The following SLCO1C1 variants were observed in gnomAD, a reference collection of about 807,000 sequenced individuals.
The protein encoded by SLCO1C1 is solute carrier organic anion transporter family member 1C1.
SLCO1C1 carries 70 observed loss-of-function variants against 76.4 expected under a neutral mutation model. That is an observed-to-expected ratio of 0.92 (90% CI 0.76 to 1.12). SLCO1C1 has a LOEUF of 1.12. Among genes scored for constraint, SLCO1C1 ranks in the 50% most tolerant of loss-of-function variants. The pLI is 0.00. For missense variants in SLCO1C1, 912 were observed against 823.8 expected, an observed-to-expected ratio of 1.11 and a Z score of -1.31; for synonymous variants, 306 against 286.1, an observed-to-expected ratio of 1.07 and a Z score of -0.70.
At chr12:20,743,522 C>T (rs1349849426) in intron 13 of SLCO1C1, among the ~76,000 whole-genome samples, 153 bp downstream of exon 13, 3 of 151,970 alleles carry the variant, frequency 2.0e-5, no homozygotes, top group Non-Finnish European at 4.4e-5. Flanking sequence ...TTCTTTGTTC[C>T]CTTCCTCCTT....
At chr12:20,710,209 T>TC in intron 4 of SLCO1C1, among the ~76,000 whole-genome samples, 1 of 135,444 alleles carries the variant, frequency 7.4e-6, no homozygotes, top group East Asian at 2.1e-4. Context: ...TCTTTTTTTT[T>TC]TTTTTTTTTT....
intron 13 of SLCO1C1, among the ~76,000 whole-genome samples, chr12:20,744,452 G>T (rs11045432): frequency 0.44 from 66,230 of 151,872 alleles, 17,171 homozygotes; most frequent in South Asian, 0.63. Flanking sequence ...ATTCCTATTA[G>T]AAAGAAAACT....
intron 3 of SLCO1C1, among the ~76,000 whole-genome samples, chr12:20,704,011 G>A (rs1946658478): frequency 6.7e-6 from 1 of 148,834 alleles, no homozygotes; most frequent in Non-Finnish European, 1.5e-5. Flanking sequence ...AAAAAGAGAG[G>A]AGAGCAAGAA....
chr12:20,703,955 C>CTGTGTCTGTG (rs1946649626), intron 3 of SLCO1C1, among the ~76,000 whole-genome samples: 2 of 140,272 alleles, frequency 1.4e-5, no homozygotes, highest in Non-Finnish European at 1.6e-5. Context: ...TCGAGTGTGT[C>CTGTGTCTGTG]TGTGTGTGTG....
intron 11 of SLCO1C1, among the ~76,000 whole-genome samples, chr12:20,737,607 C>G (rs142579951): frequency 5.1e-4 from 77 of 152,222 alleles, no homozygotes; most frequent in Non-Finnish European, 1.8e-4. Context: ...AGATCCATGT[C>G]CCCTGGCCCT....
intron 7 of SLCO1C1, among the ~76,000 whole-genome samples, chr12:20,720,991 C>G (rs1947635980): frequency 7.8e-6 from 1 of 128,232 alleles, no homozygotes; most frequent in Non-Finnish European, 1.6e-5. Context: ...GAGTGAAACT[C>G]CATCTCAAAA....
rs760464133 is a variant in SLCO1C1 at position 20,733,104 on chromosome 12, G to A, written c.1382G>A (p.Gly461Glu). ...GCAGGACTAACTGTCTCCTACCAAGGGTATGTTCCCTCATTAAATAGTTTG... is the reference window on the plus strand; with the variant it reads ...GCAGGACTAACTGTCTCCTACCAAGAGTATGTTCCCTCATTAAATAGTTTG... The part of the protein sequence containing the change: ...DVAGLTVSYQ[G>E]TKPVSYHERA... The change falls in exon 10 of 15, where the codon GGA (glycine) becomes GAA (glutamate). Residue 461 changes from glycine to glutamate, a missense_variant and splice_region_variant. Physicochemically the swap from Gly to Glu is moderately conservative, Grantham distance 98 (BLOSUM62 -2). Transcript: ENST00000266509. 3 of 1,557,086 alleles carry A rather than the reference G, an allele frequency of 1.9e-6. No homozygotes were observed. Among genetic ancestry groups the A allele is most frequent in the African/African-American group, 1.4e-5 (1 of 72,476 alleles).
intron 9 of SLCO1C1, among the ~76,000 whole-genome samples, chr12:20,724,411 GTATATATATATATATATATATATATATA>G (rs1168220832): frequency 1.4e-4 from 12 of 88,220 alleles, no homozygotes; most frequent in Admixed American, 6.5e-4. Context: ...GTGTGTGTGT[GTATATATATATATATATATATATATATA>G]TATATATATA....
intron 1 of SLCO1C1, among the ~76,000 whole-genome samples, chr12:20,698,179 ATAT>A (rs1946349738): frequency 1.3e-5 from 2 of 151,914 alleles, no homozygotes; most frequent in African/African-American, 2.4e-5. Flanking sequence ...TATCTCATTA[ATAT>A]TATGTATTTA....
intron 7 of SLCO1C1, among the ~76,000 whole-genome samples, chr12:20,721,576 G>T (rs1231301660): frequency 6.6e-6 from 1 of 151,884 alleles, no homozygotes; most frequent in Non-Finnish European, 1.5e-5. Flanking sequence ...AAAAATTGAT[G>T]TGATTCTGTA....
At chr12:20,739,434 T>C (rs1265885102) in intron 11 of SLCO1C1, among the ~76,000 whole-genome samples, 1 of 151,546 alleles carries the variant, frequency 6.6e-6, no homozygotes, top group East Asian at 2.0e-4. Flanking sequence ...AGAAGGTCTC[T>C]ATTAAAACCT....
intron 10 of SLCO1C1, among the ~76,000 whole-genome samples, chr12:20,735,042 A>T (rs1341332832): frequency 3.9e-5 from 6 of 152,192 alleles, no homozygotes; most frequent in African/African-American, 1.4e-4. Context: ...TAAATTACAA[A>T]TCTACTGTCA....
At chr12:20,750,450 G>A (rs1233351660) in intron 13 of SLCO1C1, among the ~76,000 whole-genome samples, 3 of 152,174 alleles carry the variant, frequency 2.0e-5, no homozygotes, top group South Asian at 2.1e-4. Flanking sequence ...TGAAGTGCCT[G>A]AGTGACATGC....
intron 9 of SLCO1C1, among the ~76,000 whole-genome samples, chr12:20,732,317 G>A (rs1948315416): frequency 1.3e-5 from 2 of 152,160 alleles, no homozygotes; most frequent in South Asian, 2.1e-4. Context: ...TCTCTGAAGT[G>A]AGGCTAATAA....
intron 11 of SLCO1C1, among the ~76,000 whole-genome samples, chr12:20,738,203 G>C (rs1948636800): frequency 6.6e-6 from 1 of 152,022 alleles, no homozygotes; most frequent in African/African-American, 2.4e-5. Context: ...TGAATTTTGG[G>C]AAAATATTCA....
intron 9 of SLCO1C1, among the ~76,000 whole-genome samples, chr12:20,724,409 GTGTATATATATATA>G (rs1253438187): frequency 0.041 from 2,693 of 65,324 alleles, 63 homozygotes; most frequent in Non-Finnish European, 0.053. Flanking sequence ...GTGTGTGTGT[GTGTATATATATATA>G]TATATATATA....
In SLCO1C1 at chr12:20,720,981, G is replaced by A. The variant is rs1377438626; in HGVS notation, c.776-823G>A. Reference sequence around the variant, plus strand: ...CATTGCACTCCAGCCTGGGCAACAAGAGTGAAACTCCATCTCAAAAAAAAA... The same window carrying A: ...CATTGCACTCCAGCCTGGGCAACAAAAGTGAAACTCCATCTCAAAAAAAAA... On this transcript the variant is annotated intron_variant, in intron 7 of 14. Transcript: ENST00000266509. Among the ~76,000 whole-genome samples, 4 of 120,626 alleles carry A rather than the reference G, an allele frequency of 3.3e-5. No homozygotes were observed. In the South Asian group the frequency reaches 1.1e-3, roughly 34 times the overall value. The allele number at this position is 120,626 out of a possible 152,430, so 79.1% of individuals were successfully genotyped here. A position where few individuals can be genotyped will look rare whatever the true frequency, so the allele number is the denominator to read the frequency against.
At chr12:20,696,235 C>A (rs757764284) in intron 1 of SLCO1C1, among the ~76,000 whole-genome samples, 3 of 152,156 alleles carry the variant, frequency 2.0e-5, no homozygotes, top group Non-Finnish European at 2.9e-5. Context: ...CACTCCTCTG[C>A]AGCAAGTGCC....
At chr12:20,706,636 T>A (rs1946791057) in intron 4 of SLCO1C1, among the ~76,000 whole-genome samples, 1 of 152,190 alleles carries the variant, frequency 6.6e-6, no homozygotes, top group Non-Finnish European at 1.5e-5. Context: ...GATTTTTACC[T>A]ATGTCATTTT....
Sources: gnomAD v4.1 joint callset for allele counts (sites outside exome capture counted in the v4.1 genomes callset) on GRCh38, gnomAD v4.1.1 for gene constraint, MANE v1.5 for transcripts, NCBI Gene and HGNC (gene_info 2026-07-23, HGNC 2026-07-21) for gene names.